The following BTBD1 variants were observed in gnomAD, a reference collection of about 807,000 sequenced individuals.
BTBD1 encodes the protein BTB domain containing 1, also known as BTB/POZ domain-containing protein 1.
A neutral mutation model predicts 48.0 loss-of-function variants in BTBD1; 34 were observed. The observed-to-expected ratio is 0.71, with a 90% CI of 0.54 to 0.94. The LOEUF is 0.94. BTBD1 is among the 40% of genes least tolerant of loss of function. The pLI is 0.00. For synonymous variants in BTBD1, 261 were observed against 242.1 expected (o/e 1.08, Z -0.72); for missense variants, 543 against 625.6 (o/e 0.87, Z 1.41).
rs372292562 is a variant in BTBD1 at position 83,051,474 on chromosome 15, TTA to T, written c.559-1298_559-1297del. 1.3e-3 allele frequency among the ~76,000 whole-genome samples: 191 copies of T among 148,480 alleles called. 2 individuals carry two copies. The highest frequency in any genetic ancestry group is 5.1e-3 in the Admixed American group (75 of 14,850). On this transcript the variant is annotated intron_variant, in intron 2 of 7. Coordinates refer to ENST00000261721, the MANE Select transcript of BTBD1 (RefSeq NM_025238.4). ...TTTAAATTTAAGTATATTTTAAAAA[TTA>T]TATATATATATATTTTAAGTTTAAA...
intron 3 of BTBD1, among the ~76,000 whole-genome samples, chr15:83,049,208 C>T (rs545617835): frequency 1.3e-5 from 2 of 152,242 alleles, no homozygotes; most frequent in East Asian, 1.9e-4. Context: ...CATCACAGGG[C>T]ACACTCACAC....
chr15:83,030,379 T>C (rs1453010158), intron 4 of BTBD1, 51 bp from the exon 5 acceptor site: 2 of 1,475,748 alleles, frequency 1.4e-6, no homozygotes, highest in Non-Finnish European at 1.9e-6. Context: ...TTTCAATTCC[T>C]AACTTTGGAA....
At chr15:83,058,609 AT>A (rs993335325) in intron 1 of BTBD1, among the ~76,000 whole-genome samples, 3 of 151,744 alleles carry the variant, frequency 2.0e-5, no homozygotes, top group East Asian at 1.9e-4. Context: ...ACTTAAAAAA[AT>A]TTTTTTTTAA....
chr15:83,038,080 C>T (rs2032665831), intron 4 of BTBD1, among the ~76,000 whole-genome samples: 1 of 151,960 alleles, frequency 6.6e-6, no homozygotes, highest in Non-Finnish European at 1.5e-5. Context: ...AAGAAAACTC[C>T]ATCTCAAAAA....
chr15:83,058,896 G>C (rs1287457538), intron 1 of BTBD1, among the ~76,000 whole-genome samples: 2 of 152,126 alleles, frequency 1.3e-5, no homozygotes, highest in Non-Finnish European at 2.9e-5. Context: ...CTTGAGATTA[G>C]ATCTAAAGAT....
chr15:83,018,538 G>A (rs1264916540), intron 7 of BTBD1, among the ~76,000 whole-genome samples, 169 bp downstream of exon 7: 1 of 152,238 alleles, frequency 6.6e-6, no homozygotes, highest in Non-Finnish European at 1.5e-5. Flanking sequence ...TCAGAACAGA[G>A]CTGTGGGGAG....
At chr15:83,063,151 A>G (rs2033202748) in intron 1 of BTBD1, among the ~76,000 whole-genome samples, 1 of 152,026 alleles carries the variant, frequency 6.6e-6, no homozygotes, top group African/African-American at 2.4e-5. Flanking sequence ...TTCTAATTCC[A>G]CTGACAGCTG....
intron 3 of BTBD1, among the ~76,000 whole-genome samples, chr15:83,042,570 G>A (rs1375861640): frequency 6.6e-6 from 1 of 151,822 alleles, no homozygotes; most frequent in East Asian, 1.9e-4. Flanking sequence ...TTTTAGTAGA[G>A]ACAGGGTTTC....
chr15:83,025,411 A>C (rs1365049159), intron 5 of BTBD1, among the ~76,000 whole-genome samples: 1 of 151,578 alleles, frequency 6.6e-6, no homozygotes, highest in Non-Finnish European at 1.5e-5. Context: ...CCACTACCTT[A>C]AAATAGTATG....
intron 1 of BTBD1, among the ~76,000 whole-genome samples, chr15:83,066,103 G>C (rs773914084): frequency 3.9e-5 from 6 of 152,084 alleles, no homozygotes; most frequent in Non-Finnish European, 7.4e-5. Flanking sequence ...ACCAGCCTGG[G>C]CAACATAGTG....
chr15:83,035,939 A>T (rs1046443690), intron 4 of BTBD1, among the ~76,000 whole-genome samples: 1 of 151,966 alleles, frequency 6.6e-6, no homozygotes, highest in Non-Finnish European at 1.5e-5. Context: ...TAGTCATAAA[A>T]ATACATTAAA....
At chr15:83,066,645 C>A in intron 1 of BTBD1, 106 bp downstream of exon 1, 5 of 1,210,146 alleles carry the variant, frequency 4.1e-6, no homozygotes, top group Non-Finnish European at 4.2e-6. Flanking sequence ...TCAGAAGAGC[C>A]CAGCCCAAGG....
intron 3 of BTBD1, 77 bp downstream of exon 3, chr15:83,049,996 C>A: frequency 1.3e-6 from 1 of 789,904 alleles, no homozygotes; most frequent in Non-Finnish European, 2.0e-6. Flanking sequence ...TTAAAAATAG[C>A]CCCTTCTCCA....
intron 3 of BTBD1, among the ~76,000 whole-genome samples, chr15:83,047,669 C>A (rs912685062): frequency 6.6e-6 from 1 of 152,190 alleles, no homozygotes; most frequent in Non-Finnish European, 1.5e-5. Flanking sequence ...CAGCAAAACA[C>A]AGATAATAGC....
chr15:83,050,108 G>C lies in BTBD1; in HGVS notation c.629C>G (p.Ala210Gly). 1 of 1,612,642 alleles carries C rather than the reference G, an allele frequency of 6.2e-7. No individual in the cohort carries two copies. The highest frequency in any genetic ancestry group is 8.5e-7 in the Non-Finnish European group (1 of 1,179,136). ...ATCAGTAAACCCTTCTGCACTTATT[G>C]CATCCATTGTGCTTTTGTCTATTGT... ...LDTIDKSTMD[A>G]ISAEGFTDID... The change falls in exon 3 of 8, where the codon GCA (alanine) becomes GGA (glycine). Residue 210 changes from alanine to glycine, a missense_variant. Around this residue, in one of 3 missense-constraint regions of BTBD1, gnomAD observed 300 missense variants for 350.0 expected, o/e 0.86. Coordinates refer to ENST00000261721, the MANE Select transcript of BTBD1 (RefSeq NM_025238.4).
intron 1 of BTBD1, among the ~76,000 whole-genome samples, chr15:83,062,704 T>C (rs2033195541): frequency 6.6e-6 from 1 of 151,764 alleles, no homozygotes; most frequent in South Asian, 2.1e-4. Flanking sequence ...AATGAGGGTC[T>C]GGAGCTAAGT....
At chr15:83,059,820 G>A (rs2033148295) in intron 1 of BTBD1, among the ~76,000 whole-genome samples, 2 of 152,058 alleles carry the variant, frequency 1.3e-5, no homozygotes, top group South Asian at 4.1e-4. Flanking sequence ...TCAAACTCCT[G>A]GCCTCAAGCA....
At chr15:83,046,193 C>G (rs993843067) in intron 3 of BTBD1, among the ~76,000 whole-genome samples, 4 of 151,978 alleles carry the variant, frequency 2.6e-5, no homozygotes, top group South Asian at 2.1e-4. Flanking sequence ...CACAGGAGTT[C>G]GAGACCTACC....
chr15:83,024,991 A>G (rs2032374383), intron 5 of BTBD1, among the ~76,000 whole-genome samples: 1 of 152,148 alleles, frequency 6.6e-6, no homozygotes, highest in African/African-American at 2.4e-5. Context: ...TAGCTTTACA[A>G]TACTTTGTCT....
Sources: gnomAD v4.1 joint callset for allele counts (sites outside exome capture counted in the v4.1 genomes callset) on GRCh38, gnomAD v4.1.1 for gene constraint, gnomAD v4.1.1 regional missense constraint, MANE v1.5 for transcripts, NCBI Gene and HGNC (gene_info 2026-07-23, HGNC 2026-07-21) for gene names.